Variants in WNT5B observed in about 807,000 individuals in gnomAD.
WNT5B encodes Wnt family member 5B, also known as protein Wnt-5b.
Under a neutral mutation model 36.5 loss-of-function variants are expected in WNT5B, and 18 were observed. The ratio of observed to expected loss-of-function variants is 0.49; its 90% confidence interval spans 0.34 to 0.73. WNT5B has a LOEUF of 0.73. Among genes scored for constraint, WNT5B ranks in the 30% least tolerant of loss-of-function variants. The pLI, the probability that WNT5B is intolerant of heterozygous loss-of-function variation, is 0.01. For missense variants in WNT5B, 424 were observed against 508.4 expected (o/e 0.83, Z 1.60); for synonymous variants, 213 against 212.3 (o/e 1.00, Z -0.03).
Position 1,639,734 on chromosome 12 carries a change from A to G in WNT5B, c.379A>G (p.Asn127Asp). ...CGCGGTGAGCGCCGCGGGCGTGGTC[A>G]ACGCCATCAGCCGGGCCTGCCGCGA... Reference protein sequence around the residue: ...THAVSAAGVVNAISRACREGE... With the variant: ...THAVSAAGVVDAISRACREGE... Residue 127 changes from asparagine (N) to aspartate (D), a missense_variant, in exon 4 of 5, where the codon AAC becomes GAC. Transcript: ENST00000397196. 2 of 1,600,132 alleles carry G rather than the reference A, an allele frequency of 1.2e-6. No individual in the cohort carries two copies. Among genetic ancestry groups the G allele is most frequent in the Non-Finnish European group, 1.7e-6 (2 of 1,174,010 alleles).
In WNT5B at chr12:1,632,985, G is replaced by A. The variant is rs756211101; in HGVS notation, c.328+80G>A. Reference sequence around the variant, plus strand: ...GAGCAATTAAGCTCTCTCAGGACTGGCACAGGGAGAGCCCAAAGGCAGCCT... The same window carrying A: ...GAGCAATTAAGCTCTCTCAGGACTGACACAGGGAGAGCCCAAAGGCAGCCT... On this transcript the variant is annotated intron_variant, in intron 3 of 4. Transcript: ENST00000397196. This position sits in a 1 kb window ranked among gnomAD's most constrained non-coding sequence, Gnocchi z 5.8. 1 of 1,525,500 alleles carries A rather than the reference G, an allele frequency of 6.6e-7. No individual in the cohort carries two copies. Among genetic ancestry groups the A allele is most frequent in the Non-Finnish European group, 8.8e-7 (1 of 1,135,926 alleles). 94.5% of individuals were successfully genotyped at this position (1,525,500 alleles called of 1,614,324 possible). A position where few individuals can be genotyped will look rare whatever the true frequency, so the allele number is the denominator to read the frequency against.
upstream of WNT5B, among the ~76,000 whole-genome samples, chr12:1,628,782 TCCCACCCCAG>T (rs765640313): frequency 3.0e-3 from 451 of 151,666 alleles, 1 homozygote; most frequent in Non-Finnish European, 4.3e-3. Flanking sequence ...TCCTTTCTCC[TCCCACCCCAG>T]CCCACCCCAG....
In WNT5B at chr12:1,646,095, C is replaced by T. The variant is rs1307904661; in HGVS notation, c.923C>T (p.Ser308Leu). Reference sequence around the variant, plus strand: ...CAGGGCCGCCTCTGCAACAAGACCTCGGAGGGCATGGATGGCTGTGAGCTC... The same window carrying T: ...CAGGGCCGCCTCTGCAACAAGACCTTGGAGGGCATGGATGGCTGTGAGCTC... ...GTQGRLCNKT[S>L]EGMDGCELMC... The change falls in exon 5 of 5, where the codon TCG becomes TTG. Residue 308 changes from serine to leucine, a missense_variant. Ser to Leu is a moderately radical substitution (Grantham distance 145, BLOSUM62 -2). Coordinates refer to ENST00000397196, the MANE Select transcript of WNT5B (RefSeq NM_032642.3). 2.5e-6 allele frequency: 4 copies of T among 1,614,008 alleles called. No homozygotes were observed. Among genetic ancestry groups the T allele is most frequent in the Non-Finnish European group, 1.7e-6 (2 of 1,180,046 alleles).
chr12:1,617,570 G>A (rs1230021211), intron 1 of WNT5B, among the ~76,000 whole-genome samples: 2 of 152,064 alleles, frequency 1.3e-5, no homozygotes, highest in Non-Finnish European at 2.9e-5. Context: ...GATCAGAGCT[G>A]CAGTGAGCCA....
In WNT5B at chr12:1,632,070, G is replaced by A. The variant is rs1244600407; in HGVS notation, c.81-588G>A. Among the ~76,000 whole-genome samples, 1 of 152,198 alleles carries A rather than the reference G, an allele frequency of 6.6e-6. No individual in the cohort carries two copies. Among genetic ancestry groups the A allele is most frequent in the Admixed American group, 6.5e-5 (1 of 15,276 alleles). Reference sequence around the variant, plus strand: ...GAGAGTGGATGAGGGGAAGCTCAAAGTGAGACATGGCAGTGAAAACAAGTA... The same window carrying A: ...GAGAGTGGATGAGGGGAAGCTCAAAATGAGACATGGCAGTGAAAACAAGTA... On this transcript the variant is annotated intron_variant, in intron 2 of 4. Transcript: ENST00000397196. The surrounding 1 kb of genome is among the most constrained non-coding windows in gnomAD (Gnocchi z 5.8).
At chr12:1,626,020 C>G (rs2094540483), upstream of WNT5B, among the ~76,000 whole-genome samples, 1 of 150,428 alleles carries the variant, frequency 6.6e-6, no homozygotes, top group Non-Finnish European at 1.5e-5. Flanking sequence ...AATCTGTCAC[C>G]CACGCTGAAG....
chr12:1,646,408 G>T lies in WNT5B; in HGVS notation c.*156G>T, dbSNP rs910698286. On this transcript the variant is annotated 3_prime_UTR_variant, in exon 5 of 5. Transcript: ENST00000397196. Reference sequence around the variant, plus strand: ...GAAAGGAAGAGCTTATTTAAGAGACGCTGGAGATCTCTGAGGAGTGGACTT... The same window carrying T: ...GAAAGGAAGAGCTTATTTAAGAGACTCTGGAGATCTCTGAGGAGTGGACTT... 1.6e-6 allele frequency: 1 copy of T among 623,868 alleles called. No homozygotes were observed. 38.6% of individuals were successfully genotyped at this position (623,868 alleles called of 1,614,324 possible).
chr12:1,619,355 G>A (rs2094530850), intron 1 of WNT5B, among the ~76,000 whole-genome samples: 1 of 152,126 alleles, frequency 6.6e-6, no homozygotes, highest in Admixed American at 6.6e-5. Context: ...GGGCTAGGAG[G>A]ATTCATTGAG....
rs1354462811 is a variant in WNT5B at position 1,631,383 on chromosome 12, C to T, written c.29C>T (p.Ala10Val). 6.2e-7 allele frequency: 1 copy of T among 1,614,206 alleles called. No homozygotes were observed. Among genetic ancestry groups the T allele is most frequent in the Non-Finnish European group, 8.5e-7 (1 of 1,180,042 alleles). The change falls in exon 2 of 5, where the codon GCT becomes GTT. Residue 10 changes from alanine to valine, a missense_variant. Physicochemically the swap from Ala to Val is moderately conservative, Grantham distance 64. Transcript: ENST00000397196. ...CCCAGCCTGCTGCTGCTGTTCACGG[C>T]TGCTCTGCTGTCCAGCTGGGCTCAG... MPSLLLLFTAALLSSWAQLL... is the reference protein window; with the variant it reads MPSLLLLFTVALLSSWAQLL...
chr12:1,638,774 T>C (rs1177814685), intron 3 of WNT5B, among the ~76,000 whole-genome samples: 2 of 151,932 alleles, frequency 1.3e-5, no homozygotes, highest in African/African-American at 4.8e-5. Flanking sequence ...GTGGATCCTG[T>C]GGAAGAGAGA....
upstream of WNT5B, among the ~76,000 whole-genome samples, chr12:1,626,466 T>A (rs182615747): frequency 3.3e-5 from 5 of 152,110 alleles, no homozygotes; most frequent in Non-Finnish European, 1.5e-5. Flanking sequence ...TTTCTCCATG[T>A]TGATCAGGCT....
chr12:1,635,625 C>T (rs1011445401), intron 3 of WNT5B, among the ~76,000 whole-genome samples: 1 of 152,150 alleles, frequency 6.6e-6, no homozygotes, highest in Admixed American at 6.5e-5. Flanking sequence ...GAGGGTAGCT[C>T]GGGGCTGAAG....
chr12:1,642,878 C>T (rs1333121783), intron 4 of WNT5B, among the ~76,000 whole-genome samples: 1 of 152,084 alleles, frequency 6.6e-6, no homozygotes, highest in Non-Finnish European at 1.5e-5. Context: ...CCTCTGCCTG[C>T]TTCAGGTTGG....
Position 1,646,331 on chromosome 12 carries a change from T to C in WNT5B, c.*79T>C, listed in dbSNP as rs1459859532. On this transcript the variant is annotated 3_prime_UTR_variant, in exon 5 of 5. Transcript: ENST00000397196. ...TATATAAATCTATATAAATCTATTT[T>C]ATATTTGTATAAGTAAATGGGTGGG... 1 of 1,191,860 alleles carries C rather than the reference T, an allele frequency of 8.4e-7. No homozygotes were observed. The highest frequency in any genetic ancestry group is 1.6e-5 in the African/African-American group (1 of 64,308). 73.8% of individuals were successfully genotyped at this position (1,191,860 alleles called of 1,614,324 possible). A position where few individuals can be genotyped will look rare whatever the true frequency, so the allele number is the denominator to read the frequency against.
Position 1,643,638 on chromosome 12 carries a change from T to C in WNT5B, c.622-2156T>C, listed in dbSNP as rs1002017937. Among the ~76,000 whole-genome samples, 9 of 151,298 alleles carry C rather than the reference T, an allele frequency of 5.9e-5. No homozygotes were observed. In the South Asian group the frequency reaches 1.3e-3, roughly 21 times the overall value. ...GCCTTGGCCTCCTAAAGTGCTGGGA[T>C]TACAGGCATAAGCCACCATGCCCGG... is the stretch of plus-strand genomic sequence containing the variant. On this transcript the variant is annotated intron_variant, in intron 4 of 4. Coordinates refer to ENST00000397196, the MANE Select transcript of WNT5B (RefSeq NM_032642.3).
intron 3 of WNT5B, among the ~76,000 whole-genome samples, chr12:1,639,239 G>A (rs950305990): frequency 3.3e-5 from 5 of 150,882 alleles, no homozygotes; most frequent in Non-Finnish European, 5.9e-5. Flanking sequence ...CCGGGTTCAC[G>A]CCATTCTCCT....
chr12:1,623,768 C>G (rs2094537538), intron 1 of WNT5B, among the ~76,000 whole-genome samples: 1 of 152,172 alleles, frequency 6.6e-6, no homozygotes, highest in Admixed American at 6.5e-5. Flanking sequence ...CAGGATCCAC[C>G]CTTCCAGACC....
chr12:1,632,734 G>A lies in WNT5B; in HGVS notation c.157G>A (p.Gly53Arg), dbSNP rs749569775. 5.6e-6 allele frequency: 9 copies of A among 1,613,808 alleles called. No individual in the cohort carries two copies. The highest frequency in any genetic ancestry group is 5.1e-6 in the Non-Finnish European group (6 of 1,179,870). The change falls in exon 3 of 5, where the codon GGG (glycine) becomes AGG (arginine). Residue 53 changes from glycine to arginine, a missense_variant. Gly to Arg is a moderately radical substitution (Grantham distance 125, BLOSUM62 -2). Coordinates refer to ENST00000397196, the MANE Select transcript of WNT5B (RefSeq NM_032642.3). This position sits in a 1 kb window ranked among gnomAD's most constrained non-coding sequence, Gnocchi z 5.8. ...GAQPVCSQLP[G>R]LSPGQRKLCQ... ...CCAGCCCGTGTGCAGTCAGCTTCCC[G>A]GGCTCTCCCCTGGCCAGAGGAAGCT... is the stretch of plus-strand genomic sequence containing the variant.
At chr12:1,624,885 G>A (rs1403404280), upstream of WNT5B, among the ~76,000 whole-genome samples, 1 of 152,006 alleles carries the variant, frequency 6.6e-6, no homozygotes, top group African/African-American at 2.4e-5. Flanking sequence ...CATAAGGGCC[G>A]AAGAGGTTGA....
Sources: allele counts gnomAD v4.1 joint callset (sites outside exome capture counted in the v4.1 genomes callset), GRCh38; gene constraint gnomAD v4.1.1; non-coding constraint Gnocchi (gnomAD v3.1); transcripts MANE v1.5; gene names NCBI Gene and HGNC (gene_info 2026-07-23, HGNC 2026-07-21).